The following SPTBN1 variants were observed in gnomAD, a reference collection of about 807,000 sequenced individuals.
The protein encoded by SPTBN1 is spectrin beta, non-erythrocytic 1.
SPTBN1 carries 32 observed loss-of-function variants against 266.4 expected under a neutral mutation model. The ratio of observed to expected loss-of-function variants is 0.12; its 90% CI spans 0.09 to 0.16. The LOEUF is 0.16. Among genes scored for constraint, SPTBN1 ranks in the 10% least tolerant of loss-of-function variants. SPTBN1 has a pLI of 1.00. For synonymous variants in SPTBN1, 1,336 were observed against 1,162.2 expected, an observed-to-expected ratio of 1.15 and a Z score of -3.04; for missense variants, 2,296 against 3,067.1, an observed-to-expected ratio of 0.75 and a Z score of 5.94.
chr2:54,544,504 G>A (rs1380887504), intron 2 of SPTBN1, among the ~76,000 whole-genome samples: 1 of 152,096 alleles, frequency 6.6e-6, no homozygotes, highest in East Asian at 1.9e-4. Flanking sequence ...TAACGAAAAG[G>A]TTTAGAGTTG....
At chr2:54,534,963 G>T (rs960573953) in intron 2 of SPTBN1, 1 of 152,012 alleles carries the variant, frequency 6.6e-6, no homozygotes, top group Non-Finnish European at 1.5e-5. Flanking sequence ...TTTGTCTCCT[G>T]TTCCACCCCT....
intron 3 of SPTBN1, among the ~76,000 whole-genome samples, chr2:54,603,640 C>G (rs1380703137): frequency 2.0e-5 from 3 of 152,084 alleles, no homozygotes; most frequent in Non-Finnish European, 4.4e-5. Flanking sequence ...GTAATTGGGC[C>G]AAAATAACTA....
intron 1 of SPTBN1, among the ~76,000 whole-genome samples, chr2:54,469,152 C>T (rs1558752386): frequency 6.6e-6 from 1 of 152,210 alleles, no homozygotes; most frequent in Non-Finnish European, 1.5e-5. Context: ...AGGTGACTTG[C>T]TGGCCTTTGT....
At chr2:54,551,124 C>T (rs1449972048) in intron 2 of SPTBN1, among the ~76,000 whole-genome samples, 1 of 152,232 alleles carries the variant, frequency 6.6e-6, no homozygotes, top group Non-Finnish European at 1.5e-5. Flanking sequence ...CCATTTCTTT[C>T]TCATGAGCTC....
At chr2:54,476,274 G>T (rs991634132) in intron 1 of SPTBN1, among the ~76,000 whole-genome samples, 2 of 152,122 alleles carry the variant, frequency 1.3e-5, no homozygotes, top group Non-Finnish European at 2.9e-5. Context: ...AAATGCTAGG[G>T]TAGCAGGTAA....
At chr2:54,647,319 C>T in intron 24 of SPTBN1, 58 bp downstream of exon 24, 6 of 1,580,570 alleles carry the variant, frequency 3.8e-6, no homozygotes, top group Non-Finnish European at 5.2e-6. Flanking sequence ...GTTAGGGTCT[C>T]TTGCTAACCC....
intron 2 of SPTBN1, among the ~76,000 whole-genome samples, chr2:54,570,069 C>A (rs756935451): frequency 2.7e-4 from 40 of 150,216 alleles, no homozygotes; most frequent in Non-Finnish European, 2.5e-4. Context: ...CTCTCAAGTT[C>A]ATAAAAGCCT....
At chr2:54,569,562 T>A (rs868276371) in intron 2 of SPTBN1, among the ~76,000 whole-genome samples, 3 of 152,240 alleles carry the variant, frequency 2.0e-5, no homozygotes, top group Non-Finnish European at 4.4e-5. Flanking sequence ...CTTGGCTTTT[T>A]ATTTTTTACT....
In SPTBN1 at chr2:54,631,027, C is replaced by T. The variant is rs201955989; in HGVS notation, c.2980C>T (p.Leu994=). 2 of 1,613,998 alleles carry T rather than the reference C, an allele frequency of 1.2e-6. No individual in the cohort carries two copies. Among genetic ancestry groups the T allele is most frequent in the Admixed American group, 1.7e-5 (1 of 60,020 alleles). The change falls in exon 16 of 36, where the codon CTG becomes TTG. Residue 994 remains leucine (L), a synonymous_variant. Transcript: ENST00000356805. ...LGNDLAGVMA[L]QRKLTGMERD... ...CAATGACCTGGCTGGCGTCATGGCC[C>T]TGCAGCGCAAGCTGACCGGCATGGA...
Position 54,584,938 on chromosome 2 carries a change from A to T in SPTBN1, c.149-14154A>T, listed in dbSNP as rs186517429. On this transcript the variant is annotated intron_variant, in intron 2 of 35. Transcript: ENST00000356805. ...AAAGGCTTGCGTGTAGGGACAAGGG[A>T]GAGGTGGGGTGGGAGGCTTGCAAGT... is the stretch of plus-strand genomic sequence containing the variant. 3.5e-3 allele frequency among the ~76,000 whole-genome samples: 525 copies of T among 151,900 alleles called. 6 individuals carry two copies. The highest frequency in any genetic ancestry group is 0.012 in the African/African-American group (494 of 41,432).
chr2:54,614,295 A>C (rs977469557), intron 4 of SPTBN1, among the ~76,000 whole-genome samples: 5 of 152,160 alleles, frequency 3.3e-5, no homozygotes, highest in African/African-American at 1.2e-4. Flanking sequence ...ATCCTTGTAG[A>C]TACATAGGGT....
At chr2:54,484,022 C>CT (rs1395900708) in intron 1 of SPTBN1, among the ~76,000 whole-genome samples, 1 of 152,062 alleles carries the variant, frequency 6.6e-6, no homozygotes, top group Non-Finnish European at 1.5e-5. Context: ...TGGTGAAACT[C>CT]TGTCTCTGCA....
chr2:54,642,962 A>G lies in SPTBN1; in HGVS notation c.3859-21A>G, dbSNP rs141070035. 146 of 1,604,558 alleles carry G rather than the reference A, an allele frequency of 9.1e-5. No homozygotes were observed. The African/African-American group carries it at 1.7e-3, about 19-fold the overall frequency. On this transcript the variant is annotated intron_variant, in intron 18 of 35. Coordinates refer to ENST00000356805, the MANE Select transcript of SPTBN1 (RefSeq NM_003128.3). ...TGATGTCTAGGATCACAATCTCTGA[A>G]TCCTTCTGATCTTTCTGTAGCTGTC... is the stretch of plus-strand genomic sequence containing the variant.
intron 34 of SPTBN1, among the ~76,000 whole-genome samples, chr2:54,666,719 AAAAG>A (rs1451652271): frequency 6.6e-6 from 1 of 152,246 alleles, no homozygotes; most frequent in Non-Finnish European, 1.5e-5. Context: ...TTATCTTGTA[AAAAG>A]TGGTTAGAAT....
intron 1 of SPTBN1, among the ~76,000 whole-genome samples, chr2:54,492,469 GT>G (rs1397093609): frequency 6.6e-6 from 1 of 151,848 alleles, no homozygotes; most frequent in African/African-American, 2.4e-5. Context: ...GGTCTGAGGA[GT>G]TTTACTTAAC....
chr2:54,503,727 T>A (rs896917846), intron 1 of SPTBN1, among the ~76,000 whole-genome samples: 1 of 152,186 alleles, frequency 6.6e-6, no homozygotes, highest in African/African-American at 2.4e-5. Context: ...ACCAACCCAC[T>A]TCTGGCTGAG....
intron 1 of SPTBN1, among the ~76,000 whole-genome samples, chr2:54,518,279 G>T (rs933005262): frequency 6.6e-5 from 10 of 151,244 alleles, no homozygotes; most frequent in African/African-American, 2.4e-4. Context: ...ACAGGGCGGG[G>T]AACATCACAC....
intron 26 of SPTBN1, chr2:54,652,701 A>T (rs574148820): frequency 6.6e-6 from 1 of 152,304 alleles, no homozygotes; most frequent in East Asian, 1.9e-4. Context: ...ACTCCTGTCT[A>T]CAGAGAATGA....
Position 54,558,256 on chromosome 2 carries a change from C to T in SPTBN1, c.148+31690C>T, listed in dbSNP as rs1337363373. Reference sequence around the variant, plus strand: ...GGGGTCGCGGGCCGGCTAGGCTCCCCCGCGCCCCTCCTCGTGGTATAGCCT... The same window carrying T: ...GGGGTCGCGGGCCGGCTAGGCTCCCTCGCGCCCCTCCTCGTGGTATAGCCT... On this transcript the variant is annotated intron_variant, in intron 2 of 35. Transcript: ENST00000356805. The surrounding 1 kb of genome is among the most constrained non-coding windows in gnomAD (Gnocchi z 4.6). 7.1e-5 allele frequency: 70 copies of T among 985,396 alleles called. No homozygotes were observed. In the East Asian group the frequency reaches 1.3e-3, roughly 18 times the overall value. 61.0% of individuals were successfully genotyped at this position (985,396 alleles called of 1,614,324 possible). A position where few individuals can be genotyped will look rare whatever the true frequency, so the allele number is the denominator to read the frequency against.
Sources: allele counts gnomAD v4.1 joint callset (sites outside exome capture counted in the v4.1 genomes callset), GRCh38; gene constraint gnomAD v4.1.1; non-coding constraint Gnocchi (gnomAD v3.1); transcripts MANE v1.5; gene names NCBI Gene and HGNC (gene_info 2026-07-23, HGNC 2026-07-21).